The following TRIO variants were observed in gnomAD, a reference collection of about 807,000 sequenced individuals.
TRIO encodes the protein triple functional domain protein.
In TRIO, 58 loss-of-function variants were observed where a neutral mutation model predicts 351.9. That is an observed-to-expected ratio of 0.16 (90% CI 0.13 to 0.21). TRIO has a LOEUF of 0.21. Ranked by LOEUF, TRIO falls within the 10% of genes least tolerant of loss-of-function variation. The pLI, the probability that TRIO is intolerant of heterozygous loss-of-function variation, is 1.00. For missense variants in TRIO, 3,201 were observed against 4,027.8 expected, an observed-to-expected ratio of 0.79 and a Z score of 5.56; for synonymous variants, 1,758 against 1,595.7, an observed-to-expected ratio of 1.10 and a Z score of -2.42.
intron 8 of TRIO, among the ~76,000 whole-genome samples, chr5:14,312,913 A>G (rs1178414845): frequency 2.0e-5 from 3 of 152,242 alleles, no homozygotes; most frequent in African/African-American, 7.2e-5. Flanking sequence ...TTGTTTCCAC[A>G]TAATATTACT....
At chr5:14,216,588 T>C (rs1182240686) in intron 1 of TRIO, among the ~76,000 whole-genome samples, 1 of 152,246 alleles carries the variant, frequency 6.6e-6, no homozygotes, top group Non-Finnish European at 1.5e-5. Flanking sequence ...CAAGGTGTCG[T>C]ATTTCAGTGC....
chr5:14,398,734 G>C (rs768370946), intron 29 of TRIO, 146 bp from the exon 30 acceptor site: 7 of 705,294 alleles, frequency 9.9e-6, no homozygotes, highest in Non-Finnish European at 1.7e-5. Flanking sequence ...GGTCAGTGGC[G>C]TCGAGTCAGG....
intron 1 of TRIO, among the ~76,000 whole-genome samples, chr5:14,180,030 G>A (rs1436796003): frequency 1.3e-5 from 2 of 149,608 alleles, no homozygotes; most frequent in Non-Finnish European, 3.0e-5. Context: ...GAACCCAGGA[G>A]GCGGAGGTTG....
At chr5:14,264,530 AAAT>A (rs1314065420) in intron 1 of TRIO, among the ~76,000 whole-genome samples, 1 of 152,242 alleles carries the variant, frequency 6.6e-6, no homozygotes, top group African/African-American at 2.4e-5. Flanking sequence ...TATGTTAAAA[AAAT>A]AATATAAGCA....
chr5:14,507,722 C>T (rs531176937), intron 56 of TRIO, among the ~76,000 whole-genome samples, 158 bp from the exon 57 acceptor site: 2 of 152,284 alleles, frequency 1.3e-5, no homozygotes, highest in South Asian at 2.1e-4. Flanking sequence ...TCCTCACCCT[C>T]GGCTGCCAGC....
intron 1 of TRIO, among the ~76,000 whole-genome samples, chr5:14,258,432 C>T (rs1795149762): frequency 6.6e-6 from 1 of 152,046 alleles, no homozygotes; most frequent in African/African-American, 2.4e-5. Flanking sequence ...GTTTTTATTA[C>T]TATACTAAGT....
Position 14,277,408 on chromosome 5 carries a change from G to T in TRIO, c.233-2914G>T, listed in dbSNP as rs185441519. Among the ~76,000 whole-genome samples, 4 of 152,292 alleles carry T rather than the reference G, an allele frequency of 2.6e-5. No homozygotes were observed. The East Asian group carries it at 7.7e-4, about 29-fold the overall frequency. On this transcript the variant is annotated intron_variant, in intron 2 of 56. Transcript: ENST00000344204. ...CAGATAATCAATGAGCTGTTGTTTG[G>T]TTACAGACATGAAAAGCTTCCATAC... is the stretch of plus-strand genomic sequence containing the variant.
chr5:14,150,507 A>G (rs1787767546), intron 1 of TRIO, among the ~76,000 whole-genome samples: 1 of 152,206 alleles, frequency 6.6e-6, no homozygotes, highest in African/African-American at 2.4e-5. Flanking sequence ...TGGGAGAAAA[A>G]CTATTACAAA....
chr5:14,218,378 C>CAGA (rs1581376066), intron 1 of TRIO, among the ~76,000 whole-genome samples: 2 of 152,158 alleles, frequency 1.3e-5, no homozygotes, highest in African/African-American at 4.8e-5. Flanking sequence ...ATTAAGAGCA[C>CAGA]AGAAGAAATA....
At position 14,388,688 on chromosome 5, in the gene TRIO, G is replaced by GTTTTTTTTTTTTTT; in HGVS notation, c.3948+14_3948+27dup. 4 of 1,440,388 alleles carry GTTTTTTTTTTTTTT rather than the reference G, an allele frequency of 2.8e-6. No homozygotes were observed. The highest frequency in any genetic ancestry group is 1.6e-5 in the African/African-American group (1 of 63,216). The allele number at this position is 1,440,388 out of a possible 1,614,324, so 89.2% of individuals were successfully genotyped here. Reference sequence around the variant, plus strand: ...TCCGGGAATGTATGGATGTAAGTAAGTTTTTTTTTTTTTTTTTTGCTTGTT... The same window carrying GTTTTTTTTTTTTTT: ...TCCGGGAATGTATGGATGTAAGTAAGTTTTTTTTTTTTTTTTTTTTTTTTTTTTTTTTGCTTGTT... On this transcript the variant is annotated intron_variant, in intron 24 of 56. Coordinates refer to ENST00000344204, the MANE Select transcript of TRIO (RefSeq NM_007118.4).
At chr5:14,448,985 C>T (rs1265809463) in intron 34 of TRIO, among the ~76,000 whole-genome samples, 2 of 152,040 alleles carry the variant, frequency 1.3e-5, no homozygotes. Context: ...TGAAAATGGC[C>T]CTATCATTTC....
chr5:14,380,363 C>T (rs989083412), intron 20 of TRIO, among the ~76,000 whole-genome samples: 9 of 151,860 alleles, frequency 5.9e-5, no homozygotes, highest in Non-Finnish European at 8.8e-5. Context: ...GCTCCTCCCT[C>T]GCTCCTGCAC....
At chr5:14,227,230 G>A (rs567471175) in intron 1 of TRIO, among the ~76,000 whole-genome samples, 7 of 152,278 alleles carry the variant, frequency 4.6e-5, no homozygotes, top group Admixed American at 2.0e-4. Flanking sequence ...GATGCCAGCC[G>A]TTGTATCACA....
intron 27 of TRIO, among the ~76,000 whole-genome samples, chr5:14,391,445 C>G (rs1747077284): frequency 6.6e-6 from 1 of 152,118 alleles, no homozygotes; most frequent in Non-Finnish European, 1.5e-5. Flanking sequence ...CAAAAACAAC[C>G]TACCAGTAAA....
chr5:14,492,904 A>G, intron 49 of TRIO, 90 bp downstream of exon 49: 1 of 1,547,852 alleles, frequency 6.5e-7, no homozygotes, highest in South Asian at 1.2e-5. Context: ...CGGGGTAAGC[A>G]TGTGGAAGGG....
intron 37 of TRIO, among the ~76,000 whole-genome samples, chr5:14,469,543 T>G (rs905015200): frequency 2.0e-5 from 3 of 152,244 alleles, no homozygotes; most frequent in South Asian, 2.1e-4. Flanking sequence ...CCAGAGAGTT[T>G]CACAAATAAT....
chr5:14,184,908 T>G (rs750969901), intron 1 of TRIO, among the ~76,000 whole-genome samples: 19 of 152,104 alleles, frequency 1.2e-4, no homozygotes, highest in Non-Finnish European at 2.4e-4. Flanking sequence ...ACGTTTAGTG[T>G]TCTCACTCCT....
At chr5:14,388,117 G>A (rs1746707674) in intron 23 of TRIO, among the ~76,000 whole-genome samples, 1 of 152,188 alleles carries the variant, frequency 6.6e-6, no homozygotes, top group African/African-American at 2.4e-5. Context: ...ACTAAGGAGA[G>A]GAAATTAATA....
At chr5:14,188,358 G>A (rs980071295) in intron 1 of TRIO, among the ~76,000 whole-genome samples, 7 of 152,196 alleles carry the variant, frequency 4.6e-5, no homozygotes, top group African/African-American at 1.7e-4. Context: ...GAGGTACAGA[G>A]AGATTGGTTA....
Sources: gnomAD v4.1 joint callset for allele counts (sites outside exome capture counted in the v4.1 genomes callset) on GRCh38, gnomAD v4.1.1 for gene constraint, MANE v1.5 for transcripts, NCBI Gene and HGNC (gene_info 2026-07-23, HGNC 2026-07-21) for gene names.